The following CSMD1 variants were observed in gnomAD, a reference collection of about 807,000 sequenced individuals.
CSMD1 encodes the protein CUB and Sushi multiple domains 1.
In CSMD1, 213 loss-of-function variants were observed where a neutral mutation model predicts 417.5. The observed-to-expected ratio is 0.51, with a 90% CI of 0.46 to 0.57. The LOEUF (loss-of-function observed/expected upper bound fraction) is 0.57, where lower values mean the gene tolerates loss of function less well. Ranked by LOEUF, CSMD1 falls within the 20% of genes least tolerant of loss-of-function variation. The pLI is 0.00. For synonymous variants in CSMD1, 2,862 were observed against 1,736.8 expected (o/e 1.65, Z -16.11); for missense variants, 6,923 against 4,529.7 (o/e 1.53, Z -15.17).
At chr8:3,322,935 T>C (rs1462177591) in intron 23 of CSMD1, among the ~76,000 whole-genome samples, 1 of 152,200 alleles carries the variant, frequency 6.6e-6, no homozygotes, top group Non-Finnish European at 1.5e-5. Context: ...TTTTGCTTTT[T>C]TTTGTTTTTG....
intron 5 of CSMD1, among the ~76,000 whole-genome samples, chr8:3,901,488 A>G (rs973334469): frequency 1.3e-5 from 2 of 152,188 alleles, no homozygotes; most frequent in African/African-American, 4.8e-5. Flanking sequence ...TCACACATGC[A>G]TTGTCAGTTC....
At chr8:3,979,842 C>T (rs184147592) in intron 5 of CSMD1, among the ~76,000 whole-genome samples, 1 of 152,162 alleles carries the variant, frequency 6.6e-6, no homozygotes, top group South Asian at 2.1e-4. Context: ...AGAGAAGTGT[C>T]TAAATTTTCA....
rs571744144 is a variant in CSMD1 at position 4,695,965 on chromosome 8, G to C, written c.86-58407C>G. ...GAAAGCCGGCTGTGGTTAGAGACTT[G>C]GGTTCCGGAGGGAGAATGCCTGTGT... On this transcript the variant is annotated intron_variant, in intron 1 of 69. Transcript: ENST00000635120. 2.0e-5 allele frequency among the ~76,000 whole-genome samples: 3 copies of C among 152,268 alleles called. No individual in the cohort carries two copies. In the South Asian group the frequency reaches 6.2e-4, roughly 32 times the overall value.
At chr8:4,414,070 T>C (rs1437098370) in intron 3 of CSMD1, among the ~76,000 whole-genome samples, 1 of 152,232 alleles carries the variant, frequency 6.6e-6, no homozygotes, top group African/African-American at 2.4e-5. Flanking sequence ...AGGTGCATCA[T>C]GCATGCTCCA....
intron 10 of CSMD1, among the ~76,000 whole-genome samples, chr8:3,566,554 G>A (rs1364913725): frequency 6.6e-6 from 1 of 150,596 alleles, no homozygotes; most frequent in Admixed American, 6.7e-5. Context: ...CATAGAGGAT[G>A]TGAAGGTTTA....
chr8:3,468,504 A>G (rs1816909979), intron 12 of CSMD1, among the ~76,000 whole-genome samples: 4 of 152,288 alleles, frequency 2.6e-5, no homozygotes, highest in East Asian at 3.9e-4. Context: ...ATCAGAGCAC[A>G]TATCATGGCA....
intron 2 of CSMD1, among the ~76,000 whole-genome samples, chr8:4,543,157 A>C (rs1183664350): frequency 6.6e-6 from 1 of 152,176 alleles, no homozygotes; most frequent in Non-Finnish European, 1.5e-5. Flanking sequence ...TTATTGATTC[A>C]AGTCCATTAT....
chr8:4,620,462 C>A (rs1398482057), intron 2 of CSMD1, among the ~76,000 whole-genome samples: 2 of 151,532 alleles, frequency 1.3e-5, no homozygotes, highest in Non-Finnish European at 3.0e-5. Flanking sequence ...ACGCTTTCTT[C>A]TACTTTTATA....
rs2128882611 is a variant in CSMD1 at position 4,318,510 on chromosome 8, AG to A, written c.415+101442del. On this transcript the variant is annotated intron_variant, in intron 3 of 69. Coordinates refer to ENST00000635120, the MANE Select transcript of CSMD1 (RefSeq NM_033225.6). Reference sequence around the variant, plus strand: ...GCATTCAGGACCTACTCAACTGGCGAGAAAACTTGAGTAAGTACTGATTAAT... The same window carrying A: ...GCATTCAGGACCTACTCAACTGGCGAAAAACTTGAGTAAGTACTGATTAAT... Among the ~76,000 whole-genome samples the A allele has an allele frequency of 2.0e-5, 3 of 152,264 alleles. No individual in the cohort carries two copies. The South Asian group carries it at 6.2e-4, about 32-fold the overall frequency.
rs114842493 is a variant in CSMD1, at chr8:4,466,051, A to G, written c.303-45986T>C. Among the ~76,000 whole-genome samples the G allele has an allele frequency of 2.9e-3, 445 of 152,362 alleles. 1 individual carries two copies. The highest frequency in any genetic ancestry group is 8.8e-3 in the African/African-American group (366 of 41,590). Reference sequence around the variant, plus strand: ...GACAAATTACTTTTATTACCATCCAATGATAACACAAGTCAAACAAGTTAT... The same window carrying G: ...GACAAATTACTTTTATTACCATCCAGTGATAACACAAGTCAAACAAGTTAT... On this transcript the variant is annotated intron_variant, in intron 2 of 69. Coordinates refer to ENST00000635120, the MANE Select transcript of CSMD1 (RefSeq NM_033225.6).
At chr8:3,292,893 C>T (rs894519251) in intron 25 of CSMD1, among the ~76,000 whole-genome samples, 133 of 151,152 alleles carry the variant, frequency 8.8e-4, no homozygotes, top group African/African-American at 3.0e-3. Context: ...TTATTTTGCT[C>T]GTTAGTTGAT....
At chr8:3,006,654 G>C (rs377212778) in intron 52 of CSMD1, among the ~76,000 whole-genome samples, 95 of 149,620 alleles carry the variant, frequency 6.3e-4, no homozygotes, top group African/African-American at 2.0e-3. Context: ...ACAAACCTGA[G>C]AAAAACAAGC....
chr8:3,204,048 G>C (rs1292857881), intron 31 of CSMD1, among the ~76,000 whole-genome samples: 1 of 152,156 alleles, frequency 6.6e-6, no homozygotes, highest in Non-Finnish European at 1.5e-5. Context: ...TTATTTATCA[G>C]GAAAGAGTAA....
intron 3 of CSMD1, among the ~76,000 whole-genome samples, chr8:4,293,588 C>G (rs143657468): frequency 2.0e-5 from 3 of 152,152 alleles, no homozygotes; most frequent in Admixed American, 1.3e-4. Flanking sequence ...TAAAAGAGCT[C>G]ATCTCATCAT....
chr8:4,790,139 A>T (rs928842498), intron 1 of CSMD1, among the ~76,000 whole-genome samples: 2 of 152,192 alleles, frequency 1.3e-5, no homozygotes, highest in African/African-American at 4.8e-5. Flanking sequence ...GTTCCTTTGG[A>T]CAAACAAGAC....
chr8:3,186,932 G>C (rs1821798063), intron 36 of CSMD1, among the ~76,000 whole-genome samples: 1 of 152,218 alleles, frequency 6.6e-6, no homozygotes, highest in Non-Finnish European at 1.5e-5. Context: ...AGTAGAGACA[G>C]GGTTTCGCCA....
chr8:4,805,387 T>C (rs1798530001), intron 1 of CSMD1, among the ~76,000 whole-genome samples: 1 of 152,176 alleles, frequency 6.6e-6, no homozygotes, highest in African/African-American at 2.4e-5. Context: ...GGTGATCTAA[T>C]GTGATAAATT....
chr8:3,831,400 C>G (rs1243529363), intron 5 of CSMD1, among the ~76,000 whole-genome samples: 1 of 152,086 alleles, frequency 6.6e-6, no homozygotes. Context: ...ATTCTTGGAA[C>G]TGCCCTCACA....
chr8:4,075,747 C>T (rs2130794443), intron 3 of CSMD1, among the ~76,000 whole-genome samples: 1 of 152,158 alleles, frequency 6.6e-6, no homozygotes, highest in East Asian at 1.9e-4. Flanking sequence ...GGTTGTGTGT[C>T]CCTTTCAGAA....
Sources: gnomAD v4.1 joint callset for allele counts (sites outside exome capture counted in the v4.1 genomes callset) on GRCh38, gnomAD v4.1.1 for gene constraint, MANE v1.5 for transcripts, NCBI Gene and HGNC (gene_info 2026-07-23, HGNC 2026-07-21) for gene names.